The following TMPRSS15 variants were observed in gnomAD, a reference collection of about 807,000 sequenced individuals.
TMPRSS15 encodes the protein enteropeptidase.
TMPRSS15 carries 128 observed loss-of-function variants against 125.3 expected under a neutral mutation model. The observed-to-expected ratio is 1.02, with a 90% CI of 0.89 to 1.18. The LOEUF is 1.18. Ranked by LOEUF, TMPRSS15 falls within the 50% of genes most tolerant of loss-of-function variation. TMPRSS15 has a pLI of 0.00. For synonymous variants in TMPRSS15, 446 were observed against 423.2 expected (o/e 1.05, Z -0.66); for missense variants, 1,283 against 1,212.7 (o/e 1.06, Z -0.86).
At chr21:18,412,053 T>C (rs2076167301) in intron 1 of TMPRSS15, among the ~76,000 whole-genome samples, 1 of 152,144 alleles carries the variant, frequency 6.6e-6, no homozygotes, top group Non-Finnish European at 1.5e-5. Flanking sequence ...CAGCTGCTAG[T>C]TTAGATCATT....
At chr21:18,469,404 G>C (rs1289110191) in intron 1 of TMPRSS15, among the ~76,000 whole-genome samples, 1 of 151,874 alleles carries the variant, frequency 6.6e-6, no homozygotes, top group Non-Finnish European at 1.5e-5. Context: ...ACATTTTTTT[G>C]TCACAAAAGA....
At chr21:18,448,719 C>T (rs1819078339) in intron 1 of TMPRSS15, among the ~76,000 whole-genome samples, 2 of 151,458 alleles carry the variant, frequency 1.3e-5, no homozygotes, top group African/African-American at 2.4e-5. Context: ...TGTGGTCCTA[C>T]TCTAATATTC....
intron 12 of TMPRSS15, 75 bp from the exon 13 acceptor site, chr21:18,341,623 C>G (rs1023700430): frequency 1.4e-6 from 2 of 1,466,908 alleles, no homozygotes; most frequent in Non-Finnish European, 1.9e-6. Context: ...CTTGTGAGCC[C>G]AAGAGATTCA....
chr21:18,378,476 C>G (rs996356080), intron 5 of TMPRSS15, among the ~76,000 whole-genome samples: 1 of 152,048 alleles, frequency 6.6e-6, no homozygotes. Flanking sequence ...CTTTGCTTTT[C>G]AAATATTACA....
chr21:18,463,538 A>C (rs1173518853), intron 1 of TMPRSS15, among the ~76,000 whole-genome samples: 1 of 152,076 alleles, frequency 6.6e-6, no homozygotes, highest in Non-Finnish European at 1.5e-5. Context: ...TATTAGAGAG[A>C]TCGAGACAGA....
In TMPRSS15 at chr21:18,398,318, C is replaced by A; in HGVS notation, c.157G>T (p.Gly53Ter). ...GTCGCTCTGGCTTCATGACTCTGTC[C>A]AAGTGCTGCACCTAGATAAATTAAT... ...IKESQRGAALGQSHEARATFK... is the reference protein window; with the variant it reads ...IKESQRGAAL Residue 53 changes from glycine to a stop codon, truncating the protein, a stop_gained, in exon 2 of 25, where the codon GGA becomes TGA. Coordinates refer to ENST00000284885, the MANE Select transcript of TMPRSS15 (RefSeq NM_002772.3). LOFTEE classifies it high-confidence loss of function. The A allele has an allele frequency of 6.2e-7, 1 of 1,613,600 alleles. No individual in the cohort carries two copies. The highest frequency in any genetic ancestry group is 1.7e-5 in the Admixed American group (1 of 60,010).
intron 18 of TMPRSS15, among the ~76,000 whole-genome samples, chr21:18,302,277 T>A (rs1377165638): frequency 6.6e-6 from 1 of 152,034 alleles, no homozygotes; most frequent in South Asian, 2.1e-4. Context: ...TCTTTTCAGA[T>A]TGGAGGGAAA....
Position 18,341,655 on chromosome 21 carries a change from T to C in TMPRSS15, c.1429-107A>G, listed in dbSNP as rs1224054858. ...TTCAATATTGTCTAGAGATTCAATA[T>C]TGTCACCTTGAACTATATGGTGACC... On this transcript the variant is annotated intron_variant, in intron 12 of 24. Coordinates refer to ENST00000284885, the MANE Select transcript of TMPRSS15 (RefSeq NM_002772.3). 3.3e-6 allele frequency: 4 copies of C among 1,222,360 alleles called. No homozygotes were observed. In the African/African-American group the frequency reaches 5.9e-5, roughly 18 times the overall value. The allele number at this position is 1,222,360 out of a possible 1,614,324, so 75.7% of individuals were successfully genotyped here.
At chr21:18,384,426 A>G (rs879622496) in intron 3 of TMPRSS15, among the ~76,000 whole-genome samples, 6 of 152,114 alleles carry the variant, frequency 3.9e-5, no homozygotes, top group Non-Finnish European at 8.8e-5. Context: ...TGCCTGCATG[A>G]TCTCCAAACA....
At position 18,386,559 on chromosome 21, in the gene TMPRSS15, C is replaced by T. The variant is rs1475025890; in HGVS notation, c.345-2781G>A. On this transcript the variant is annotated intron_variant, in intron 3 of 24. Transcript: ENST00000284885. ...AATACTTCCAAAAGATAGAGCACTG[C>T]CTTTTTTCCTCCTCCTCTTCTTCCT... Among the ~76,000 whole-genome samples the T allele has an allele frequency of 3.3e-5, 5 of 152,272 alleles. No individual in the cohort carries two copies. The East Asian group carries it at 9.7e-4, about 29-fold the overall frequency.
In TMPRSS15 at chr21:18,372,104, G is replaced by GTGTT. The variant is rs1351750414; in HGVS notation, c.664+88_664+89insAACA. 8.2e-5 allele frequency: 77 copies of GTGTT among 933,546 alleles called. 1 individual carries two copies. In the African/African-American group the frequency reaches 1.1e-3, roughly 13 times the overall value. 57.8% of individuals were successfully genotyped at this position (933,546 alleles called of 1,614,324 possible). ...TCAGGTATTTGAGATTAGAATGTGTGTGTGTGTGTGTGTGTGTGTGTGTGT... is the reference window on the plus strand; with the variant it reads ...TCAGGTATTTGAGATTAGAATGTGTGTGTTTGTGTGTGTGTGTGTGTGTGTGTGT... On this transcript the variant is annotated intron_variant, in intron 6 of 24. Coordinates refer to ENST00000284885, the MANE Select transcript of TMPRSS15 (RefSeq NM_002772.3).
At chr21:18,293,854 T>G (rs890501332) in intron 21 of TMPRSS15, among the ~76,000 whole-genome samples, 3 of 152,308 alleles carry the variant, frequency 2.0e-5, no homozygotes, top group African/African-American at 7.2e-5. Flanking sequence ...TAATTGTAAT[T>G]TGAGGGCTAC....
intron 21 of TMPRSS15, among the ~76,000 whole-genome samples, chr21:18,291,507 G>C (rs7276475): frequency 0.81 from 123,419 of 152,012 alleles, 50,230 homozygotes; most frequent in Non-Finnish European, 0.83. Flanking sequence ...AAAATACCTG[G>C]AACAGGTTTA....
At chr21:18,323,627 T>C (rs1362367878) in intron 16 of TMPRSS15, among the ~76,000 whole-genome samples, 1 of 152,200 alleles carries the variant, frequency 6.6e-6, no homozygotes, top group Non-Finnish European at 1.5e-5. Flanking sequence ...TAATCCCTTA[T>C]CTGTTAGAGC....
intron 21 of TMPRSS15, among the ~76,000 whole-genome samples, chr21:18,284,086 C>A (rs992312236): frequency 4.6e-5 from 7 of 152,156 alleles, no homozygotes; most frequent in African/African-American, 1.7e-4. Flanking sequence ...AAAATAGCCT[C>A]TCTTTCATGT....
chr21:18,299,485 G>T (rs370692432), intron 18 of TMPRSS15, among the ~76,000 whole-genome samples: 63 of 152,278 alleles, frequency 4.1e-4, no homozygotes, highest in African/African-American at 1.4e-3. Flanking sequence ...AAATTAAAGA[G>T]GTTTTAGTTG....
At chr21:18,380,167 TCACACACACACACACACACACA>T (rs34787707) in intron 4 of TMPRSS15, among the ~76,000 whole-genome samples, 3 of 139,414 alleles carry the variant, frequency 2.2e-5, no homozygotes, top group Non-Finnish European at 4.7e-5. Flanking sequence ...TATGGAGATG[TCACACACACACACACACACACA>T]CACACACACA....
intron 13 of TMPRSS15, among the ~76,000 whole-genome samples, chr21:18,340,818 T>C (rs1473251339): frequency 6.6e-6 from 1 of 152,160 alleles, no homozygotes; most frequent in Non-Finnish European, 1.5e-5. Flanking sequence ...TGTATTCCAG[T>C]GAAAACAAAA....
intron 7 of TMPRSS15, among the ~76,000 whole-genome samples, chr21:18,362,500 C>T (rs1322478493): frequency 2.0e-5 from 3 of 152,086 alleles, no homozygotes; most frequent in Non-Finnish European, 4.4e-5. Context: ...CGATTTTCCA[C>T]CTCCTTCTGA....
Sources: allele counts gnomAD v4.1 joint callset (sites outside exome capture counted in the v4.1 genomes callset), GRCh38; gene constraint gnomAD v4.1.1; transcripts MANE v1.5; gene names NCBI Gene and HGNC (gene_info 2026-07-23, HGNC 2026-07-21).